Variants in GAP43 observed in about 807,000 individuals in gnomAD.
GAP43 encodes the protein growth associated protein 43, also known as neuromodulin.
In GAP43, 6 loss-of-function variants were observed where a neutral mutation model predicts 18.6. The observed-to-expected ratio is 0.32, with a 90% CI of 0.18 to 0.64. The LOEUF is 0.64. Ranked by LOEUF, GAP43 falls within the 30% of genes least tolerant of loss-of-function variation. The pLI is 0.78. For synonymous variants in GAP43, 115 were observed against 111.4 expected (o/e 1.03, Z -0.20); for missense variants, 292 against 295.5 (o/e 0.99, Z 0.09).
intron 2 of GAP43, among the ~76,000 whole-genome samples, chr3:115,697,317 A>C (rs1473988381): frequency 6.6e-6 from 1 of 152,210 alleles, no homozygotes; most frequent in East Asian, 1.9e-4. Flanking sequence ...CAATTCATTC[A>C]ATGAGTGAAG....
At chr3:115,691,837 A>G (rs868022756) in intron 2 of GAP43, among the ~76,000 whole-genome samples, 1 of 152,178 alleles carries the variant, frequency 6.6e-6, no homozygotes, top group Non-Finnish European at 1.5e-5. Context: ...GCTTCATGTA[A>G]TTTGTCCCTC....
At chr3:115,633,006 A>G (rs1010785347) in intron 1 of GAP43, among the ~76,000 whole-genome samples, 1 of 146,508 alleles carries the variant, frequency 6.8e-6, no homozygotes, top group African/African-American at 2.5e-5. Context: ...AGTCTATAAA[A>G]GGAATTTATT....
chr3:115,646,633 A>G (rs1292751285), intron 1 of GAP43, among the ~76,000 whole-genome samples: 1 of 152,064 alleles, frequency 6.6e-6, no homozygotes, highest in African/African-American at 2.4e-5. Context: ...GAGACAAAAG[A>G]GGGAAAGCCC....
At chr3:115,628,458 T>C (rs1708219822) in intron 1 of GAP43, among the ~76,000 whole-genome samples, 1 of 152,146 alleles carries the variant, frequency 6.6e-6, no homozygotes. Context: ...TTTTCTCCTC[T>C]TCTTCACTCC....
intron 1 of GAP43, among the ~76,000 whole-genome samples, chr3:115,650,786 A>G (rs1708511505): frequency 6.6e-6 from 1 of 152,114 alleles, no homozygotes; most frequent in Non-Finnish European, 1.5e-5. Context: ...TTCTTACTCT[A>G]GTCTTACTCC....
rs1404001054 is a variant in GAP43 at position 115,720,907 on chromosome 3, C to T, written c.*25C>T. 3 of 1,484,840 alleles carry T rather than the reference C, an allele frequency of 2.0e-6. No individual in the cohort carries two copies. The highest frequency in any genetic ancestry group is 2.8e-6 in the Non-Finnish European group (3 of 1,064,458). 92.0% of individuals were successfully genotyped at this position (1,484,840 alleles called of 1,614,324 possible). ...AACTCTAAGAAATGGCTTTCCACAT[C>T]CCCACCCTCCCCTCTCCTGAGCCTG... is the stretch of plus-strand genomic sequence containing the variant. On this transcript the variant is annotated 3_prime_UTR_variant, in exon 3 of 3. Transcript: ENST00000305124.
intron 2 of GAP43, among the ~76,000 whole-genome samples, chr3:115,720,343 A>C (rs191376566): frequency 4.6e-5 from 7 of 152,258 alleles, no homozygotes; most frequent in African/African-American, 1.7e-4. Flanking sequence ...AAATTCAACT[A>C]CTTCACTTTT....
intron 2 of GAP43, among the ~76,000 whole-genome samples, chr3:115,698,179 T>A (rs866870674): frequency 1.4e-3 from 49 of 34,326 alleles, no homozygotes; most frequent in Admixed American, 3.1e-3. Flanking sequence ...TATTAAATAA[T>A]ATATATATTA....
At chr3:115,626,191 C>T (rs1289857216) in intron 1 of GAP43, among the ~76,000 whole-genome samples, 1 of 152,170 alleles carries the variant, frequency 6.6e-6, no homozygotes, top group East Asian at 1.9e-4. Context: ...CAGTGGTGCC[C>T]ATCCTTCTGC....
In GAP43 at chr3:115,720,774, T is replaced by TATC; in HGVS notation, c.629-19_629-17dup. 6.4e-7 allele frequency: 1 copy of TATC among 1,571,482 alleles called. No homozygotes were observed. On this transcript the variant is annotated intron_variant, in intron 2 of 2. Coordinates refer to ENST00000305124, the MANE Select transcript of GAP43 (RefSeq NM_002045.4). Reference sequence around the variant, plus strand: ...TAATTCTCTCCTTTTCCCCCCATCCTATCTTGTTTTCTTTCTCAGAAGCTG... The same window carrying TATC: ...TAATTCTCTCCTTTTCCCCCCATCCTATCATCTTGTTTTCTTTCTCAGAAGCTG...
intron 2 of GAP43, among the ~76,000 whole-genome samples, chr3:115,681,617 T>C (rs1356749566): frequency 6.6e-6 from 1 of 152,216 alleles, no homozygotes; most frequent in African/African-American, 2.4e-5. Flanking sequence ...CTCATTCATC[T>C]CATCCTTAGG....
chr3:115,680,386 G>T (rs1468908877), intron 2 of GAP43, among the ~76,000 whole-genome samples: 1 of 152,118 alleles, frequency 6.6e-6, no homozygotes, highest in African/African-American at 2.4e-5. Context: ...AGCCCGGGAG[G>T]TCAAGGCTGC....
In GAP43 at chr3:115,698,314, A is replaced by AT. The variant is rs1709251071; in HGVS notation, c.628+21705dup. ...TATATATATTATATATAAAATATATATAATATATATATATAAAACCAGTTC... is the reference window on the plus strand; with the variant it reads ...TATATATATTATATATAAAATATATATTAATATATATATATAAAACCAGTTC... On this transcript the variant is annotated intron_variant, in intron 2 of 2. Coordinates refer to ENST00000305124, the MANE Select transcript of GAP43 (RefSeq NM_002045.4). Among the ~76,000 whole-genome samples the AT allele has an allele frequency of 3.1e-5, 3 of 96,268 alleles. 1 individual carries two copies. In the Admixed American group the frequency reaches 6.2e-4, roughly 20 times the overall value. 63.2% of individuals were successfully genotyped at this position (96,268 alleles called of 152,430 possible). A position where few individuals can be genotyped will look rare whatever the true frequency, so the allele number is the denominator to read the frequency against.
chr3:115,639,474 C>G (rs1443858964), intron 1 of GAP43, among the ~76,000 whole-genome samples: 1 of 152,086 alleles, frequency 6.6e-6, no homozygotes, highest in Non-Finnish European at 1.5e-5. Context: ...CTTGTATCTT[C>G]TGGTACTCCT....
intron 2 of GAP43, among the ~76,000 whole-genome samples, chr3:115,706,787 C>T (rs1709369834): frequency 6.6e-6 from 1 of 152,144 alleles, no homozygotes; most frequent in Non-Finnish European, 1.5e-5. Flanking sequence ...AGACTCTTCT[C>T]TTTCTTTGTC....
At chr3:115,651,620 GT>G (rs1708519056) in intron 1 of GAP43, among the ~76,000 whole-genome samples, 1 of 152,082 alleles carries the variant, frequency 6.6e-6, no homozygotes, top group Non-Finnish European at 1.5e-5. Context: ...GAAGGTTGTA[GT>G]TTCTCTATTT....
At chr3:115,698,051 T>TATATAAAATATATATTATATATA (rs1709223755) in intron 2 of GAP43, among the ~76,000 whole-genome samples, 1 of 49,812 alleles carries the variant, frequency 2.0e-5, no homozygotes, top group Non-Finnish European at 2.9e-5. Flanking sequence ...TATTATATAT[T>TATATAAAATATATATTATATATA]ATATAAAATA....
chr3:115,641,510 T>TCACACACACA (rs376412583), intron 1 of GAP43, among the ~76,000 whole-genome samples: 22,063 of 106,872 alleles, frequency 0.21, 1,943 homozygotes, highest in Admixed American at 0.29. Context: ...ATATATATAT[T>TCACACACACA]CACACACACA....
chr3:115,697,569 C>T (rs1709212528), intron 2 of GAP43, among the ~76,000 whole-genome samples: 1 of 152,166 alleles, frequency 6.6e-6, no homozygotes, highest in African/African-American at 2.4e-5. Context: ...GCTTCACAAG[C>T]CCTCCTTACA....
Sources: allele counts gnomAD v4.1 joint callset (sites outside exome capture counted in the v4.1 genomes callset), GRCh38; gene constraint gnomAD v4.1.1; transcripts MANE v1.5; gene names NCBI Gene and HGNC (gene_info 2026-07-23, HGNC 2026-07-21).